C1S: variants seen among roughly 807,000 people sequenced by gnomAD.
The protein encoded by C1S is complement C1s subcomponent.
Under a neutral mutation model 54.0 loss-of-function variants are expected in C1S, and 31 were observed. The ratio of observed to expected loss-of-function variants is 0.57; its 90% CI spans 0.43 to 0.78. C1S has a LOEUF of 0.78. C1S is among the 30% of genes least tolerant of loss of function. The probability of loss-of-function intolerance (pLI) is 0.00; values close to 1 mark genes in which losing one functional copy is unlikely to be tolerated. For synonymous variants in C1S, 292 were observed against 303.6 expected (o/e 0.96, Z 0.40); for missense variants, 727 against 851.8 (o/e 0.85, Z 1.82).
At chr12:7,062,251 A>G (rs1416455351) in intron 2 of C1S, 1 of 560,242 alleles carries the variant, frequency 1.8e-6, no homozygotes, top group Admixed American at 3.1e-5. Context: ...AGCCTGGGTG[A>G]CAGAGTGAGA....
intron 3 of C1S, 30 bp downstream of exon 3, chr12:7,062,712 T>C: frequency 6.3e-7 from 1 of 1,598,088 alleles, no homozygotes; most frequent in South Asian, 1.1e-5. Flanking sequence ...AGAATAGAGA[T>C]GGAAGACTAG....
In C1S at chr12:7,065,253, A is replaced by C; in HGVS notation, c.671A>C (p.Asp224Ala). ...GTGACCTTGCGGAGAGAAGATTTTG[A>C]TGTGGAAGCAGCTGACTCAGCGGGA... ...VVVTLRREDF[D>A]VEAADSAGNC... is the part of the protein sequence containing the mutation. Residue 224 changes from aspartate to alanine, a missense_variant, in exon 6 of 12, where the codon GAT becomes GCT. Coordinates refer to ENST00000360817, the MANE Select transcript of C1S (RefSeq NM_001734.5). 2.5e-6 allele frequency: 4 copies of C among 1,614,082 alleles called. No individual in the cohort carries two copies. The highest frequency in any genetic ancestry group is 3.4e-6 in the Non-Finnish European group (4 of 1,179,974).
At position 7,064,300 on chromosome 12, in the gene C1S, C is replaced by G. The variant is rs782628190; in HGVS notation, c.425C>G (p.Pro142Arg). The change falls in exon 5 of 12, where the codon CCT (proline) becomes CGT (arginine). Residue 142 changes from proline to arginine, a missense_variant. Pro to Arg is a moderately radical substitution (Grantham distance 103, BLOSUM62 -2). Around this residue, in one of 3 missense-constraint regions of C1S, gnomAD observed 357 missense variants for 365.4 expected, o/e 0.98. Transcript: ENST00000360817. ...GAATGCACAGATTTTGTAGATGTCC[C>G]TTGTAGCCACTTCTGCAACAATTTC... ...INECTDFVDV[P>R]CSHFCNNFIG... 1 of 1,613,884 alleles carries G rather than the reference C, an allele frequency of 6.2e-7. No individual in the cohort carries two copies. Among genetic ancestry groups the G allele is most frequent in the South Asian group, 1.1e-5 (1 of 91,076 alleles).
rs1555163172 is a variant in C1S, at chr12:7,070,681, G to T, written c.*30G>T. On this transcript the variant is annotated 3_prime_UTR_variant, in exon 12 of 12. Coordinates refer to ENST00000360817, the MANE Select transcript of C1S (RefSeq NM_001734.5). The surrounding 1 kb of genome is among the most constrained non-coding windows in gnomAD (Gnocchi z 4.9). ...GATACATCCCACCAGCCTCTCCAAG[G>T]GTGGTGACCAATGCATTACCTTCTG... is the stretch of plus-strand genomic sequence containing the variant. The T allele has an allele frequency of 1.9e-6, 3 of 1,575,938 alleles. No individual in the cohort carries two copies. Among genetic ancestry groups the T allele is most frequent in the African/African-American group, 2.7e-5 (2 of 74,292 alleles).
At chr12:7,066,380 C>T in intron 7 of C1S, 138 bp from the exon 8 acceptor site, 1 of 708,678 alleles carries the variant, frequency 1.4e-6, no homozygotes, top group Non-Finnish European at 2.6e-6. Flanking sequence ...TTTTAGACAT[C>T]TGCTGTATTG....
At chr12:7,064,033 C>G (rs1565620368) in intron 4 of C1S, 1 of 579,176 alleles carries the variant, frequency 1.7e-6, no homozygotes, top group Admixed American at 2.2e-5. Flanking sequence ...GGCTATGTCA[C>G]TTACACACAC....
At chr12:7,066,323 T>C (rs1937654509) in intron 7 of C1S, 195 bp from the exon 8 acceptor site, 1 of 663,676 alleles carries the variant, frequency 1.5e-6, no homozygotes, top group South Asian at 1.7e-5. Flanking sequence ...TAACTAGACC[T>C]GAGACTGCAG....
At chr12:7,068,234 C>T (rs921241717) in intron 10 of C1S, among the ~76,000 whole-genome samples, 6 of 152,206 alleles carry the variant, frequency 3.9e-5, no homozygotes, top group Non-Finnish European at 7.3e-5. Context: ...TTCTTTCCTT[C>T]TGCTTTGGAG....
chr12:7,065,339 CAGAG>C, intron 6 of C1S, 40 bp downstream of exon 6: 1 of 1,486,440 alleles, frequency 6.7e-7, no homozygotes, highest in Non-Finnish European at 9.4e-7. Flanking sequence ...TTAACTTACA[CAGAG>C]AGATCTCTCC....
chr12:7,068,636 C>T, intron 11 of C1S, 106 bp downstream of exon 11: 1 of 816,838 alleles, frequency 1.2e-6, no homozygotes, highest in Non-Finnish European at 2.1e-6. Context: ...CAGTGACCTG[C>T]CAGAGTCCAG....
chr12:7,067,650 CT>C lies in C1S; in HGVS notation c.1075del (p.Cys359ValfsTer52). The C allele has an allele frequency of 6.2e-7, 1 of 1,614,012 alleles. No individual in the cohort carries two copies. The highest frequency in any genetic ancestry group is 8.5e-7 in the Non-Finnish European group (1 of 1,179,968). ...NSKLKCQPVD[C>X]GIPESIENGK... The stretch of plus-strand genomic sequence containing the variant: ...CCTTCCTTCGTCTGGTAGCTGTGGA[CT>C]GTGGCATTCCTGAATCCATTGAGAA... On this transcript the variant is annotated frameshift_variant, in exon 10 of 12. Coordinates refer to ENST00000360817, the MANE Select transcript of C1S (RefSeq NM_001734.5). LOFTEE classifies it high-confidence loss of function.
chr12:7,062,457 A>C lies in C1S; in HGVS notation c.6-18A>C, dbSNP rs1555161386. The stretch of plus-strand genomic sequence containing the variant: ...CTGGTGCCTGGTCACCCGCCAATCT[A>C]TGCCTCTGTTTTTTCAGGTGCATTG... On this transcript the variant is annotated intron_variant, in intron 2 of 11. Transcript: ENST00000360817. 6.2e-7 allele frequency: 1 copy of C among 1,604,472 alleles called. No individual in the cohort carries two copies. The highest frequency in any genetic ancestry group is 8.5e-7 in the Non-Finnish European group (1 of 1,173,074).
In C1S at chr12:7,063,081, T is replaced by A. The variant is rs1555161544; in HGVS notation, c.391+14T>A. 1 of 1,608,960 alleles carries A rather than the reference T, an allele frequency of 6.2e-7. No homozygotes were observed. The highest frequency in any genetic ancestry group is 1.7e-5 in the Admixed American group (1 of 60,016). ...ATGTTGCCACAGGTAAGGCTCACCC[T>A]TCTGCATGTGCCTTATTGACCCAGC... On this transcript the variant is annotated intron_variant, in intron 4 of 11. Transcript: ENST00000360817.
chr12:7,063,556 C>T, intron 4 of C1S: 1 of 323,330 alleles, frequency 3.1e-6, no homozygotes, highest in Non-Finnish European at 6.3e-6. Flanking sequence ...GAAGCTAGGA[C>T]ATCTCATAAA....
rs1446304783 is a variant in C1S at position 7,070,419 on chromosome 12, T to C, written c.1835T>C (p.Phe612Ser). ...ACAGCAGATGCAGAGGCCTATGTTT[T>C]CACTCCTAACATGATCTGTGCTGGA... ...KPTADAEAYV[F>S]TPNMICAGGE... Residue 612 changes from phenylalanine (F) to serine (S), a missense_variant, in exon 12 of 12, where the codon TTC becomes TCC. Physicochemically the swap from Phe to Ser is radical, Grantham distance 155. Coordinates refer to ENST00000360817, the MANE Select transcript of C1S (RefSeq NM_001734.5). The surrounding 1 kb of genome is among the most constrained non-coding windows in gnomAD (Gnocchi z 4.9). 1 of 1,614,106 alleles carries C rather than the reference T, an allele frequency of 6.2e-7. No individual in the cohort carries two copies. Among genetic ancestry groups the C allele is most frequent in the Non-Finnish European group, 8.5e-7 (1 of 1,180,040 alleles).
rs1414527264 is a variant in C1S at position 7,063,675 on chromosome 12, TCA to T, written c.392-591_392-590del. ...GTCATGATGTTTACCTTGCAGAGTG[TCA>T]TTCCTGGAGCTGAAATGCTCTGTAC... On this transcript the variant is annotated intron_variant, in intron 4 of 11. Coordinates refer to ENST00000360817, the MANE Select transcript of C1S (RefSeq NM_001734.5). Among the ~76,000 whole-genome samples the T allele has an allele frequency of 5.9e-5, 9 of 152,302 alleles. No homozygotes were observed. In the East Asian group the frequency reaches 1.3e-3, roughly 23 times the overall value.
Position 7,065,274 on chromosome 12 carries a change from C to T in C1S, c.692C>T (p.Ala231Val), listed in dbSNP as rs781863865. 2.2e-5 allele frequency: 35 copies of T among 1,613,652 alleles called. No individual in the cohort carries two copies. In the East Asian group the frequency reaches 2.2e-4, roughly 10 times the overall value. ...EDFDVEAADS[A>V]GNCLDSLVFV... ...TTTGATGTGGAAGCAGCTGACTCAG[C>T]GGGAAACTGCCTTGACAGTTTAGTT... The change falls in exon 6 of 12, where the codon GCG (alanine) becomes GTG (valine). Residue 231 changes from alanine to valine, a missense_variant. By Grantham distance (64) the Ala-to-Val change is moderately conservative. Coordinates refer to ENST00000360817, the MANE Select transcript of C1S (RefSeq NM_001734.5).
intron 6 of C1S, chr12:7,065,528 T>G: frequency 4.8e-6 from 3 of 625,316 alleles, no homozygotes; most frequent in Non-Finnish European, 8.4e-6. Context: ...GCTAATATTT[T>G]TATTGTTATT....
chr12:7,066,092 G>C, intron 7 of C1S, 122 bp downstream of exon 7: 2 of 916,104 alleles, frequency 2.2e-6, no homozygotes, highest in Non-Finnish European at 3.6e-6. Context: ...ACCGAGGGAG[G>C]CTGAGGCAGG....
Sources: allele counts gnomAD v4.1 joint callset (sites outside exome capture counted in the v4.1 genomes callset), GRCh38; gene constraint gnomAD v4.1.1; regional missense constraint gnomAD v4.1.1; non-coding constraint Gnocchi (gnomAD v3.1); transcripts MANE v1.5; gene names NCBI Gene and HGNC (gene_info 2026-07-23, HGNC 2026-07-21).